The following ADGRE2 variants were observed in gnomAD, a reference collection of about 807,000 sequenced individuals.
The protein encoded by ADGRE2 is CD97 antigen.
Under a neutral mutation model 100.8 loss-of-function variants are expected in ADGRE2, and 83 were observed. That is an observed-to-expected ratio of 0.82 (90% confidence interval 0.69 to 0.99). The LOEUF (loss-of-function observed/expected upper bound fraction) is 0.99. ADGRE2 is among the 50% of genes least tolerant of loss of function. ADGRE2 has a pLI of 0.00. For missense variants in ADGRE2, 814 were observed against 1,035.7 expected, an observed-to-expected ratio of 0.79 and a Z score of 2.94; for synonymous variants, 355 against 413.0, an observed-to-expected ratio of 0.86 and a Z score of 1.70.
intron 16 of ADGRE2, among the ~76,000 whole-genome samples, chr19:14,749,260 G>T (rs1194546703): frequency 7.0e-6 from 1 of 143,404 alleles, no homozygotes; most frequent in Non-Finnish European, 1.5e-5. Context: ...ATAAAATAAA[G>T]AATTAAGGAA....
At chr19:14,767,901 G>A (rs1488568084) in intron 5 of ADGRE2, among the ~76,000 whole-genome samples, 1 of 152,218 alleles carries the variant, frequency 6.6e-6, no homozygotes, top group Non-Finnish European at 1.5e-5. Flanking sequence ...TTCAGCTTCT[G>A]CTCACCCTCT....
Position 14,743,634 on chromosome 19 carries a change from G to A in ADGRE2, c.2334C>T (p.Tyr778=). Residue 778 remains tyrosine, a synonymous_variant, in exon 19 of 21, where the codon TAC becomes TAT. Coordinates refer to ENST00000315576, the MANE Select transcript of ADGRE2 (RefSeq NM_013447.4). The part of the protein sequence containing the change: ...SLQGVFIFLV[Y]CLLSQQVREQ... ...GTGGTACCTGCTGGCTGAGGAGGCA[G>A]TACACCAGGAAGATGAAGACACCCT... The A allele has an allele frequency of 6.2e-7, 1 of 1,614,192 alleles. No individual in the cohort carries two copies. Among genetic ancestry groups the A allele is most frequent in the Non-Finnish European group, 8.5e-7 (1 of 1,180,030 alleles).
chr19:14,756,110 T>C, intron 12 of ADGRE2, 128 bp downstream of exon 12: 1 of 821,648 alleles, frequency 1.2e-6, no homozygotes, highest in Non-Finnish European at 2.0e-6. Context: ...AGCTGGACTC[T>C]CCTCTTACAG....
Position 14,765,586 on chromosome 19 carries a change from C to T in ADGRE2, c.782-16G>A, listed in dbSNP as rs1407392209. The stretch of plus-strand genomic sequence containing the variant: ...AAAGTCATATCTGTAGGGAACAAGA[C>T]AAGCGGCTCATTAGGCGGGAGCGTG... On this transcript the variant is annotated splice_polypyrimidine_tract_variant and intron_variant, in intron 8 of 20. Coordinates refer to ENST00000315576, the MANE Select transcript of ADGRE2 (RefSeq NM_013447.4). 1 of 1,614,312 alleles carries T rather than the reference C, an allele frequency of 6.2e-7. No individual in the cohort carries two copies. The highest frequency in any genetic ancestry group is 8.5e-7 in the Non-Finnish European group (1 of 1,180,054).
At chr19:14,742,983 G>C (rs2042974823) in intron 20 of ADGRE2, among the ~76,000 whole-genome samples, 1 of 151,614 alleles carries the variant, frequency 6.6e-6, no homozygotes, top group African/African-American at 2.4e-5. Flanking sequence ...CTGGGCTGGA[G>C]TGCAGTGGCA....
intron 4 of ADGRE2, among the ~76,000 whole-genome samples, chr19:14,773,138 A>C (rs2044281691): frequency 6.6e-6 from 1 of 151,168 alleles, no homozygotes; most frequent in African/African-American, 2.4e-5. Flanking sequence ...GGAGAAAAAA[A>C]AACCTATGGC....
chr19:14,763,649 C>T (rs2043813521), intron 11 of ADGRE2, among the ~76,000 whole-genome samples: 2 of 110,438 alleles, frequency 1.8e-5, no homozygotes, highest in Non-Finnish European at 3.9e-5. Flanking sequence ...CTCTCCTCCG[C>T]TCTTTCTCGT....
intron 18 of ADGRE2, among the ~76,000 whole-genome samples, chr19:14,745,523 T>C (rs1008375999): frequency 6.6e-6 from 1 of 152,206 alleles, no homozygotes; most frequent in Non-Finnish European, 1.5e-5. Context: ...GACTGTATGT[T>C]GTACCCATTA....
chr19:14,744,752 G>C (rs1025798133), intron 18 of ADGRE2, among the ~76,000 whole-genome samples: 4 of 152,104 alleles, frequency 2.6e-5, no homozygotes, highest in African/African-American at 9.7e-5. Flanking sequence ...ACCATGCCTG[G>C]CCCCCGTAAA....
At chr19:14,777,232 G>T (rs990863752) in intron 1 of ADGRE2, 11 of 336,660 alleles carry the variant, frequency 3.3e-5, no homozygotes, top group Admixed American at 1.9e-4. Flanking sequence ...ATAGCTCTGG[G>T]CTCCCACTTT....
At chr19:14,747,349 A>G (rs574436880) in intron 16 of ADGRE2, among the ~76,000 whole-genome samples, 3 of 152,148 alleles carry the variant, frequency 2.0e-5, no homozygotes, top group Admixed American at 2.0e-4. Flanking sequence ...AAAAATAAAA[A>G]AATAGCCGGG....
At chr19:14,724,514 C>T in the ADGRE2 span, among the ~76,000 whole-genome samples, 1 of 152,204 alleles carries the variant, frequency 6.6e-6, no homozygotes, top group Non-Finnish European at 1.5e-5. Context: ...ACCTGTAATC[C>T]CAGCACTTTG....
intron 16 of ADGRE2, among the ~76,000 whole-genome samples, chr19:14,750,515 T>C (rs2043252455): frequency 6.6e-6 from 1 of 152,040 alleles, no homozygotes; most frequent in Non-Finnish European, 1.5e-5. Context: ...CAAGACAAAA[T>C]TGTCTGCTGT....
intron 14 of ADGRE2, among the ~76,000 whole-genome samples, chr19:14,753,292 G>C (rs1262586331): frequency 1.3e-5 from 2 of 152,030 alleles, no homozygotes; most frequent in South Asian, 2.1e-4. Context: ...CTTGTGGAGG[G>C]GGGAGCTAGC....
chr19:14,759,504 T>TATATATATATATATA (rs1555786067), intron 11 of ADGRE2, among the ~76,000 whole-genome samples: 23 of 70,948 alleles, frequency 3.2e-4, no homozygotes, highest in South Asian at 1.7e-3. Flanking sequence ...TATATATATA[T>TATATATATATATATA]TTTTTTTTTT....
At chr19:14,724,813 A>T in the ADGRE2 span, among the ~76,000 whole-genome samples, 5 of 152,312 alleles carry the variant, frequency 3.3e-5, no homozygotes, top group African/African-American at 1.2e-4. Flanking sequence ...TCATTAGGTG[A>T]CTGTGCTGCT....
intron 12 of ADGRE2, among the ~76,000 whole-genome samples, 164 bp from the exon 13 acceptor site, chr19:14,756,041 C>T (rs1445231960): frequency 6.6e-6 from 1 of 152,256 alleles, no homozygotes; most frequent in Non-Finnish European, 1.5e-5. Flanking sequence ...TGTATCACAT[C>T]CTGCAGGACA....
intron 5 of ADGRE2, among the ~76,000 whole-genome samples, chr19:14,767,628 C>A (rs942488574): frequency 6.6e-5 from 10 of 152,308 alleles, no homozygotes; most frequent in Admixed American, 5.2e-4. Context: ...CTGGAAGCAT[C>A]TGAGTCCTCC....
chr19:14,731,420 C>A (rs1172152046), downstream of ADGRE2: 15 of 565,534 alleles, frequency 2.7e-5, no homozygotes, highest in Non-Finnish European at 4.4e-5. Context: ...TTGTAGGTTC[C>A]CCGCAAGGAG....
Sources: gnomAD v4.1 joint callset for allele counts (sites outside exome capture counted in the v4.1 genomes callset) on GRCh38, gnomAD v4.1.1 for gene constraint, MANE v1.5 for transcripts, NCBI Gene and HGNC (gene_info 2026-07-23, HGNC 2026-07-21) for gene names.